CLASP1: variants seen among roughly 807,000 people sequenced by gnomAD.
CLASP1 encodes the protein cytoplasmic linker associated protein 1, also known as CLIP-associating protein 1.
CLASP1 carries 38 observed loss-of-function variants against 192.3 expected under a neutral mutation model. That is an observed-to-expected ratio of 0.20 (90% CI 0.15 to 0.26). CLASP1 has a LOEUF of 0.26. Among genes scored for constraint, CLASP1 ranks in the 10% least tolerant of loss-of-function variants. The probability of loss-of-function intolerance (pLI) is 1.00; values close to 1 mark genes in which losing one functional copy is unlikely to be tolerated. For synonymous variants in CLASP1, 691 were observed against 712.8 expected (o/e 0.97, Z 0.49); for missense variants, 1,433 against 1,932.5 (o/e 0.74, Z 4.85).
At chr2:121,516,637 A>G (rs2094303773) in intron 6 of CLASP1, among the ~76,000 whole-genome samples, 2 of 152,246 alleles carry the variant, frequency 1.3e-5, no homozygotes, top group African/African-American at 4.8e-5. Flanking sequence ...CACTGTATCC[A>G]TGTTAAATTT....
At chr2:121,500,508 T>A (rs2093719866) in intron 8 of CLASP1, among the ~76,000 whole-genome samples, 1 of 147,776 alleles carries the variant, frequency 6.8e-6, no homozygotes, top group Non-Finnish European at 1.5e-5. Flanking sequence ...GGAGAAAAGG[T>A]GAAAGAAAGA....
At chr2:121,346,056 C>T (rs78502365) in intron 39 of CLASP1, among the ~76,000 whole-genome samples, 12,300 of 152,304 alleles carry the variant, frequency 0.081, 755 homozygotes, top group African/African-American at 0.17. Flanking sequence ...TTAATGCTCA[C>T]CAGCTGTATC....
chr2:121,452,047 T>C (rs970660022), intron 14 of CLASP1, among the ~76,000 whole-genome samples, 198 bp from the exon 15 acceptor site: 3 of 152,180 alleles, frequency 2.0e-5, no homozygotes, highest in African/African-American at 7.2e-5. Flanking sequence ...TAAGCACCTA[T>C]TAGTGCCACA....
At chr2:121,585,371 T>G (rs1191800177) in intron 2 of CLASP1, among the ~76,000 whole-genome samples, 2 of 152,132 alleles carry the variant, frequency 1.3e-5, no homozygotes, top group African/African-American at 4.8e-5. Flanking sequence ...ACAGATGGAA[T>G]AGCCAGAGGT....
chr2:121,442,481 C>CTTT (rs761873166), intron 19 of CLASP1, among the ~76,000 whole-genome samples: 2 of 144,404 alleles, frequency 1.4e-5, no homozygotes, highest in African/African-American at 5.0e-5. Flanking sequence ...AAATTTCTTT[C>CTTT]TTTTTTTTTT....
At chr2:121,620,744 CT>C (rs1431785417) in intron 1 of CLASP1, among the ~76,000 whole-genome samples, 1 of 152,030 alleles carries the variant, frequency 6.6e-6, no homozygotes, top group East Asian at 1.9e-4. Context: ...GGTTATGTGT[CT>C]TTTTACTGTT....
At chr2:121,347,978 A>C (rs2063676023) in intron 38 of CLASP1, among the ~76,000 whole-genome samples, 1 of 112,106 alleles carries the variant, frequency 8.9e-6, no homozygotes. Context: ...CCCCTTCTCT[A>C]CTGTCATGTA....
rs1048932512 is a variant in CLASP1, at chr2:121,456,363, A to T, written c.1385+1324T>A. On this transcript the variant is annotated intron_variant, in intron 14 of 39. Coordinates refer to ENST00000263710, the Ensembl canonical transcript of CLASP1. ...AAAAAAAAAAAAAGTAAAAAAAGAAAAAAGATTAGTGGGCCATGGTGGTGT... is the reference window on the plus strand; with the variant it reads ...AAAAAAAAAAAAAGTAAAAAAAGAATAAAGATTAGTGGGCCATGGTGGTGT... 5.9e-5 allele frequency among the ~76,000 whole-genome samples: 9 copies of T among 151,648 alleles called. No homozygotes were observed. In the South Asian group the frequency reaches 1.9e-3, roughly 31 times the overall value.
chr2:121,588,234 C>T (rs1576271162), intron 2 of CLASP1, among the ~76,000 whole-genome samples: 1 of 138,200 alleles, frequency 7.2e-6, no homozygotes, highest in African/African-American at 2.6e-5. Flanking sequence ...TTCCCTATAA[C>T]ATAATACCCA....
At chr2:121,456,041 C>T (rs1305584075) in intron 14 of CLASP1, among the ~76,000 whole-genome samples, 1 of 152,016 alleles carries the variant, frequency 6.6e-6, no homozygotes, top group Admixed American at 6.6e-5. Flanking sequence ...ATATTATATA[C>T]TTTAAAATTG....
exon 35 of CLASP1, chr2:121,367,814 GCCC>G (rs771179725): frequency 6.2e-7 from 1 of 1,613,336 alleles, no homozygotes; most frequent in South Asian, 1.1e-5. Flanking sequence ...GGGAGGCAGC[GCCC>G]CCATCGCGGG....
At chr2:121,345,370 T>C (rs1215194522) in intron 39 of CLASP1, among the ~76,000 whole-genome samples, 3 of 152,194 alleles carry the variant, frequency 2.0e-5, no homozygotes, top group South Asian at 4.1e-4. Context: ...CTGGATTTTC[T>C]GTCCCTTATC....
At chr2:121,644,955 C>CAA (rs1199358360) in intron 1 of CLASP1, among the ~76,000 whole-genome samples, 1 of 74,304 alleles carries the variant, frequency 1.3e-5, no homozygotes, top group Non-Finnish European at 3.1e-5. Flanking sequence ...AAAACTGTCT[C>CAA]AAAAAAAAAA....
intron 6 of CLASP1, among the ~76,000 whole-genome samples, chr2:121,523,056 C>T (rs1414397146): frequency 6.6e-6 from 1 of 152,174 alleles, no homozygotes; most frequent in Non-Finnish European, 1.5e-5. Flanking sequence ...GAGGCACTTC[C>T]CACTGACTCC....
At chr2:121,619,352 T>G (rs888518122) in intron 1 of CLASP1, among the ~76,000 whole-genome samples, 1 of 152,150 alleles carries the variant, frequency 6.6e-6, no homozygotes. Context: ...ATTAGAAAAA[T>G]AGTATTCAAA....
intron 1 of CLASP1, among the ~76,000 whole-genome samples, chr2:121,626,902 G>A (rs954469343): frequency 6.6e-6 from 1 of 152,144 alleles, no homozygotes; most frequent in African/African-American, 2.4e-5. Context: ...CTCAAAATAA[G>A]AGCTGAAAAG....
exon 4 of CLASP1, chr2:121,528,727 G>C (rs754684015): frequency 1.9e-6 from 3 of 1,613,878 alleles, no homozygotes; most frequent in East Asian, 4.5e-5. Context: ...GTTTGGTCCT[G>C]CTCCCTCACA....
At chr2:121,338,977 A>T (rs965434268) in exon 40 of CLASP1, 5 of 152,564 alleles carry the variant, frequency 3.3e-5, no homozygotes, top group Non-Finnish European at 7.3e-5. Context: ...TAATAAACAA[A>T]CAGTACTTAT....
chr2:121,517,926 C>T (rs1240352659), intron 6 of CLASP1, among the ~76,000 whole-genome samples: 2 of 118,262 alleles, frequency 1.7e-5, no homozygotes, highest in African/African-American at 3.4e-5. Flanking sequence ...GTGGCTCGTG[C>T]CTATAATCCC....
Sources: gnomAD v4.1 joint callset for allele counts (sites outside exome capture counted in the v4.1 genomes callset) on GRCh38, gnomAD v4.1.1 for gene constraint, MANE v1.5 for transcripts, NCBI Gene and HGNC (gene_info 2026-07-23, HGNC 2026-07-21) for gene names.